ZNF385D: variants seen among roughly 807,000 people sequenced by gnomAD.
ZNF385D encodes the protein zinc finger protein 659.
In ZNF385D, 15 loss-of-function variants were observed where a neutral mutation model predicts 35.8. The ratio of observed to expected loss-of-function variants is 0.42; its 90% CI spans 0.28 to 0.64. The LOEUF (loss-of-function observed/expected upper bound fraction) is 0.64, where lower values mean the gene tolerates loss of function less well. ZNF385D is among the 30% of genes least tolerant of loss of function. The probability of loss-of-function intolerance (pLI) is 0.23; values close to 1 mark genes in which losing one functional copy is unlikely to be tolerated. For synonymous variants in ZNF385D, 212 were observed against 186.8 expected (o/e 1.13, Z -1.10); for missense variants, 474 against 494.6 (o/e 0.96, Z 0.39).
intron 3 of ZNF385D, among the ~76,000 whole-genome samples, chr3:21,854,936 C>G (rs989109297): frequency 4.6e-5 from 7 of 151,900 alleles, no homozygotes; most frequent in African/African-American, 1.4e-4. Flanking sequence ...TTAATCTGAT[C>G]TGTAAATTCA....
At chr3:21,981,177 C>T (rs1356944395) in intron 3 of ZNF385D, among the ~76,000 whole-genome samples, 1 of 152,160 alleles carries the variant, frequency 6.6e-6, no homozygotes, top group Non-Finnish European at 1.5e-5. Flanking sequence ...AATTTACACT[C>T]CTACCAACAG....
At chr3:21,859,555 A>C (rs190326180) in intron 3 of ZNF385D, among the ~76,000 whole-genome samples, 196 of 152,118 alleles carry the variant, frequency 1.3e-3, no homozygotes, top group African/African-American at 4.1e-3. Flanking sequence ...GAGAGAAAAC[A>C]GCATGTCTCA....
At chr3:21,776,305 T>C (rs914417779) in intron 3 of ZNF385D, among the ~76,000 whole-genome samples, 1 of 151,908 alleles carries the variant, frequency 6.6e-6, no homozygotes. Context: ...GGTTAAAGGG[T>C]AAAATTGCTG....
intron 1 of ZNF385D, among the ~76,000 whole-genome samples, chr3:21,744,618 A>G (rs2069675406): frequency 6.6e-6 from 1 of 152,158 alleles, no homozygotes; most frequent in African/African-American, 2.4e-5. Flanking sequence ...GAAAACTGAA[A>G]TTGTATCAGG....
chr3:22,116,167 T>C (rs1165173692), intron 3 of ZNF385D, among the ~76,000 whole-genome samples: 1 of 152,078 alleles, frequency 6.6e-6, no homozygotes, highest in Non-Finnish European at 1.5e-5. Context: ...AATATGTATT[T>C]AAAATTAGAG....
chr3:21,808,374 T>C (rs922609732), intron 3 of ZNF385D, among the ~76,000 whole-genome samples: 3 of 152,210 alleles, frequency 2.0e-5, no homozygotes, highest in Non-Finnish European at 2.9e-5. Context: ...CTAGAAGCTA[T>C]GACTCCAGAT....
intron 3 of ZNF385D, among the ~76,000 whole-genome samples, chr3:21,813,603 T>A (rs1392999659): frequency 6.6e-6 from 1 of 152,104 alleles, no homozygotes; most frequent in South Asian, 2.1e-4. Context: ...AGGGTATCGA[T>A]GATTGAAGAT....
intron 4 of ZNF385D, among the ~76,000 whole-genome samples, chr3:21,459,719 C>T (rs1371646116): frequency 6.6e-6 from 1 of 152,024 alleles, no homozygotes. Context: ...CTTGTACTTG[C>T]CAAATGTATC....
chr3:22,129,980 C>T (rs111420720), intron 3 of ZNF385D, among the ~76,000 whole-genome samples: 1 of 152,228 alleles, frequency 6.6e-6, no homozygotes, highest in African/African-American at 2.4e-5. Context: ...CGACTGCTGC[C>T]TGGCTACTGC....
intron 3 of ZNF385D, among the ~76,000 whole-genome samples, chr3:22,060,493 T>G (rs1699634171): frequency 6.6e-6 from 1 of 152,208 alleles, no homozygotes; most frequent in Non-Finnish European, 1.5e-5. Context: ...AAAGATGAAA[T>G]TAAACCATTA....
chr3:22,190,394 T>C (rs1017273817), intron 2 of ZNF385D, among the ~76,000 whole-genome samples: 1 of 152,204 alleles, frequency 6.6e-6, no homozygotes, highest in Non-Finnish European at 1.5e-5. Flanking sequence ...AATTCTAGTT[T>C]TAAATTCATG....
chr3:21,934,465 A>C (rs1289958816), intron 3 of ZNF385D, among the ~76,000 whole-genome samples: 1 of 152,136 alleles, frequency 6.6e-6, no homozygotes, highest in Non-Finnish European at 1.5e-5. Context: ...ATATATTCTG[A>C]GGTTAGTAAT....
chr3:21,607,338 AATGT>A (rs1485701061), intron 2 of ZNF385D, among the ~76,000 whole-genome samples: 1 of 152,222 alleles, frequency 6.6e-6, no homozygotes, highest in Admixed American at 6.5e-5. Context: ...ATTGTCATTT[AATGT>A]ATGATAAAAC....
chr3:21,830,766 C>T (rs1009092833), intron 3 of ZNF385D, among the ~76,000 whole-genome samples: 16 of 152,148 alleles, frequency 1.1e-4, no homozygotes, highest in Admixed American at 2.0e-4. Flanking sequence ...TTGCAGTGTA[C>T]AAAGAAACCT....
At chr3:21,894,978 A>G (rs1338983369) in intron 3 of ZNF385D, among the ~76,000 whole-genome samples, 1 of 152,098 alleles carries the variant, frequency 6.6e-6, no homozygotes, top group African/African-American at 2.4e-5. Flanking sequence ...CAGAGAGGTG[A>G]GCACAATAAT....
intron 2 of ZNF385D, among the ~76,000 whole-genome samples, chr3:21,660,543 G>C (rs2066207211): frequency 6.6e-6 from 1 of 152,096 alleles, no homozygotes; most frequent in South Asian, 2.1e-4. Flanking sequence ...CATTCTAAAA[G>C]TTTATTATTG....
chr3:21,481,841 T>A (rs1704650491), intron 4 of ZNF385D, among the ~76,000 whole-genome samples: 1 of 152,180 alleles, frequency 6.6e-6, no homozygotes, highest in African/African-American at 2.4e-5. Context: ...AATATATAAC[T>A]GCTGGATAAA....
At chr3:21,920,859 T>C (rs1252638053) in intron 3 of ZNF385D, among the ~76,000 whole-genome samples, 1 of 152,096 alleles carries the variant, frequency 6.6e-6, no homozygotes, top group African/African-American at 2.4e-5. Context: ...TTAACTTCAA[T>C]ACATGCAAAC....
intron 3 of ZNF385D, among the ~76,000 whole-genome samples, chr3:22,123,962 C>CTCTCTCTCTATATATATATATATATATA (rs1491571691): frequency 1.6e-5 from 1 of 61,840 alleles, no homozygotes; most frequent in African/African-American, 6.1e-5. Context: ...CTCTCTCTCT[C>CTCTCTCTCTATATATATATATATATATA]TATATATATA....
Sources: gnomAD v4.1 joint callset for allele counts (sites outside exome capture counted in the v4.1 genomes callset) on GRCh38, gnomAD v4.1.1 for gene constraint, MANE v1.5 for transcripts, NCBI Gene and HGNC (gene_info 2026-07-23, HGNC 2026-07-21) for gene names.